Variants in DTHD1 observed in about 807,000 individuals in gnomAD.
DTHD1 encodes death domain-containing protein 1.
Under a neutral mutation model 74.8 loss-of-function variants are expected in DTHD1, and 59 were observed. The ratio of observed to expected loss-of-function variants is 0.79; its 90% CI spans 0.64 to 0.98. The LOEUF is 0.98. DTHD1 is among the 50% of genes least tolerant of loss of function. The probability of loss-of-function intolerance (pLI) is 0.00; values close to 1 mark genes in which losing one functional copy is unlikely to be tolerated. For synonymous variants in DTHD1, 365 were observed against 371.1 expected, an observed-to-expected ratio of 0.98 and a Z score of 0.19; for missense variants, 1,051 against 1,065.4, an observed-to-expected ratio of 0.99 and a Z score of 0.19.
intron 8 of DTHD1, among the ~76,000 whole-genome samples, chr4:36,325,195 C>CA (rs1230976580): frequency 1.3e-5 from 2 of 152,102 alleles, no homozygotes; most frequent in Non-Finnish European, 2.9e-5. Flanking sequence ...CAAAATTCAC[C>CA]AAAAAACTGT....
intron 5 of DTHD1, among the ~76,000 whole-genome samples, chr4:36,304,078 C>T (rs936454439): frequency 6.6e-6 from 1 of 152,160 alleles, no homozygotes; most frequent in African/African-American, 2.4e-5. Flanking sequence ...AATGAATGAC[C>T]AATGCATTAT....
intron 5 of DTHD1, among the ~76,000 whole-genome samples, chr4:36,303,730 C>T (rs528098595): frequency 6.6e-6 from 1 of 152,282 alleles, no homozygotes; most frequent in South Asian, 2.1e-4. Context: ...CACAGATTAG[C>T]CTAGGTTATG....
chr4:36,306,871 T>C (rs1456502409), intron 6 of DTHD1, among the ~76,000 whole-genome samples: 1 of 152,220 alleles, frequency 6.6e-6, no homozygotes, highest in Non-Finnish European at 1.5e-5. Flanking sequence ...ACATTTATGA[T>C]TGTCTTGAAT....
intron 5 of DTHD1, among the ~76,000 whole-genome samples, chr4:36,300,487 T>G (rs1271137865): frequency 6.6e-6 from 1 of 152,204 alleles, no homozygotes; most frequent in Non-Finnish European, 1.5e-5. Flanking sequence ...CTCCCTTAGC[T>G]GCAACCCTGA....
At chr4:36,332,996 G>GAACC (rs1234199495) in intron 8 of DTHD1, among the ~76,000 whole-genome samples, 4 of 152,064 alleles carry the variant, frequency 2.6e-5, no homozygotes, top group Non-Finnish European at 5.9e-5. Context: ...GGTAAGAAAT[G>GAACC]AACCTCAGTT....
At chr4:36,289,857 TG>T (rs1319105563) in intron 2 of DTHD1, among the ~76,000 whole-genome samples, 1 of 152,058 alleles carries the variant, frequency 6.6e-6, no homozygotes, top group Non-Finnish European at 1.5e-5. Context: ...ACAGTTCTTT[TG>T]TATCTTTCTC....
chr4:36,296,953 A>C (rs956262162), intron 5 of DTHD1, among the ~76,000 whole-genome samples: 4 of 152,194 alleles, frequency 2.6e-5, no homozygotes, highest in African/African-American at 9.7e-5. Context: ...CCAATGATAT[A>C]AACAGTCTAT....
intron 7 of DTHD1, chr4:36,311,044 G>A (rs1213907491): frequency 6.6e-6 from 1 of 152,270 alleles, no homozygotes; most frequent in African/African-American, 2.4e-5. Context: ...CAGCAGCTGT[G>A]TTTACCAACC....
intron 9 of DTHD1, among the ~76,000 whole-genome samples, chr4:36,340,439 T>A (rs765348090): frequency 2.6e-5 from 4 of 152,076 alleles, no homozygotes; most frequent in Non-Finnish European, 4.4e-5. Context: ...AAAGCAAATA[T>A]TTGAGATGCT....
At chr4:36,313,057 G>A (rs933960051) in intron 7 of DTHD1, among the ~76,000 whole-genome samples, 8 of 152,050 alleles carry the variant, frequency 5.3e-5, no homozygotes, top group South Asian at 2.1e-4. Context: ...CTGGTTTCCC[G>A]GACTGCTAGC....
rs1016548784 is a variant in DTHD1, at chr4:36,302,022, G to A, written c.1644-4169G>A. Among the ~76,000 whole-genome samples the A allele has an allele frequency of 5.3e-5, 8 of 152,210 alleles. No homozygotes were observed. The South Asian group carries it at 1.5e-3, about 28-fold the overall frequency. On this transcript the variant is annotated intron_variant, in intron 5 of 9. Coordinates refer to ENST00000639862, the MANE Select transcript of DTHD1 (RefSeq NM_001170700.3). ...AATTTCTTTGAAAAAATTACTGTGT[G>A]GGCATGTTGGGGGCCAGGGTGCGGG...
chr4:36,307,986 T>A lies in DTHD1; in HGVS notation c.1806-218T>A, dbSNP rs547520499. Among the ~76,000 whole-genome samples the A allele has an allele frequency of 4.6e-5, 7 of 152,260 alleles. 1 individual carries two copies. In the South Asian group the frequency reaches 1.5e-3, roughly 32 times the overall value. On this transcript the variant is annotated intron_variant, in intron 6 of 9. Transcript: ENST00000639862. ...TGGCCTCCCAAAGTGCTGGGACGCC[T>A]CCCAAGTGGCATGAGCCACTGTGCC... is the stretch of plus-strand genomic sequence containing the variant.
At chr4:36,339,074 ACTT>A (rs1177179272) in intron 8 of DTHD1, 35 bp from the exon 9 acceptor site, 4 of 1,491,096 alleles carry the variant, frequency 2.7e-6, no homozygotes, top group East Asian at 2.5e-5. Flanking sequence ...CAAATTAATT[ACTT>A]CTTCTGTTTA....
intron 3 of DTHD1, among the ~76,000 whole-genome samples, chr4:36,291,562 C>T (rs1756080261): frequency 6.6e-6 from 1 of 152,182 alleles, no homozygotes; most frequent in Middle Eastern, 3.2e-3. Flanking sequence ...GGCGTGGTGG[C>T]TTAGGCCTGT....
intron 9 of DTHD1, among the ~76,000 whole-genome samples, chr4:36,342,918 C>CA (rs55956868): frequency 0.18 from 17,046 of 96,782 alleles, 1,355 homozygotes; most frequent in South Asian, 0.23. Context: ...ACTAAAAATA[C>CA]AAAAAAAAAA....
rs1377288484 is a variant in DTHD1 at position 36,344,455 on chromosome 4, A to C, written c.*631A>C. On this transcript the variant is annotated 3_prime_UTR_variant, in exon 10 of 10. Transcript: ENST00000639862. The stretch of plus-strand genomic sequence containing the variant: ...GCTTCCAGATCACAGGTAGATTTAA[A>C]GATTCTTGATTGGCATTGATTGAAC... 6.6e-6 allele frequency: 1 copy of C among 152,304 alleles called. No homozygotes were observed. The highest frequency in any genetic ancestry group is 2.4e-5 in the African/African-American group (1 of 41,472). The allele number at this position is 152,304 out of a possible 1,614,324, so 9.4% of individuals were successfully genotyped here.
intron 8 of DTHD1, among the ~76,000 whole-genome samples, chr4:36,316,776 G>A (rs1757763909): frequency 6.6e-6 from 1 of 152,112 alleles, no homozygotes; most frequent in Non-Finnish European, 1.5e-5. Flanking sequence ...AACTGCCTCT[G>A]AGTCACTGGA....
intron 6 of DTHD1, among the ~76,000 whole-genome samples, chr4:36,307,317 G>A (rs1016966402): frequency 3.3e-5 from 5 of 152,212 alleles, no homozygotes; most frequent in Admixed American, 6.5e-5. Flanking sequence ...TTCCTTCCAA[G>A]GGCTGTGAGG....
chr4:36,332,558 T>C (rs930476751), intron 8 of DTHD1, among the ~76,000 whole-genome samples: 8 of 152,204 alleles, frequency 5.3e-5, no homozygotes, highest in Non-Finnish European at 1.2e-4. Context: ...TTCATACTTG[T>C]TTTCATGCAC....
Sources: allele counts gnomAD v4.1 joint callset (sites outside exome capture counted in the v4.1 genomes callset), GRCh38; gene constraint gnomAD v4.1.1; transcripts MANE v1.5; gene names NCBI Gene and HGNC (gene_info 2026-07-23, HGNC 2026-07-21).